The following XRCC2 variants were observed in gnomAD, a reference collection of about 807,000 sequenced individuals.
The protein encoded by XRCC2 is DNA repair protein XRCC2.
Under a neutral mutation model 27.3 loss-of-function variants are expected in XRCC2, and 24 were observed. The observed-to-expected ratio is 0.88, with a 90% confidence interval of 0.64 to 1.24. The LOEUF (loss-of-function observed/expected upper bound fraction) is 1.24. Ranked by LOEUF, XRCC2 falls within the 50% of genes most tolerant of loss-of-function variation. The pLI, the probability that XRCC2 is intolerant of heterozygous loss-of-function variation, is 0.00. For missense variants in XRCC2, 321 were observed against 325.8 expected, an observed-to-expected ratio of 0.99 and a Z score of 0.11; for synonymous variants, 106 against 115.4, an observed-to-expected ratio of 0.92 and a Z score of 0.52.
At chr7:152,650,356 A>T (rs1010314160) in intron 2 of XRCC2, among the ~76,000 whole-genome samples, 3 of 152,208 alleles carry the variant, frequency 2.0e-5, no homozygotes, top group African/African-American at 7.2e-5. Flanking sequence ...TAAAAATCAA[A>T]GTCAACTACT....
rs1252674838 is a variant in XRCC2 at position 152,648,894 on chromosome 7, A to G, written c.591T>C (p.Thr197=). The part of the protein sequence containing the change: ...YRLVLFATTQ[T]IMQKASSSSE... ...ATGAGCTCGAGGCTTTCTGCATTAT[A>G]GTTTGTGTCGTTGCAAAAAGAACCA... is the stretch of plus-strand genomic sequence containing the variant. The change falls in exon 3 of 3, where the codon ACT becomes ACC. Residue 197 remains threonine, a synonymous_variant. Transcript: ENST00000359321. 6 of 1,614,008 alleles carry G rather than the reference A, an allele frequency of 3.7e-6. No homozygotes were observed. The African/African-American group carries it at 5.3e-5, about 14-fold the overall frequency.
intron 2 of XRCC2, among the ~76,000 whole-genome samples, chr7:152,651,266 G>A (rs1375318623): frequency 6.6e-6 from 1 of 151,938 alleles, no homozygotes; most frequent in Non-Finnish European, 1.5e-5. Flanking sequence ...ACAAACCGTT[G>A]TATATTGGAG....
rs1563030235 is a variant in XRCC2, at chr7:152,660,784, TTATAAAAGAAGA to T, written c.40-14_40-3del. ...TCTACCTTCAAGTCGGGCAAGGAGC[TTATAAAAGAAGA>T]GAGAAGGAAAACTCATTATTTAAAA... On this transcript the variant is annotated splice_region_variant and splice_polypyrimidine_tract_variant and intron_variant, in intron 1 of 2. Coordinates refer to ENST00000359321, the MANE Select transcript of XRCC2 (RefSeq NM_005431.2). 1 of 1,605,472 alleles carries T rather than the reference TTATAAAAGAAGA, an allele frequency of 6.2e-7. No individual in the cohort carries two copies. The highest frequency in any genetic ancestry group is 1.1e-5 in the South Asian group (1 of 89,400).
At position 152,662,565 on chromosome 7, in the gene XRCC2, A is replaced by ATTT. The variant is rs11323323; in HGVS notation, c.40-1786_40-1784dup. Among the ~76,000 whole-genome samples, 321 of 67,782 alleles carry ATTT rather than the reference A, an allele frequency of 4.7e-3. 5 individuals carry two copies. Among genetic ancestry groups the ATTT allele is most frequent in the African/African-American group, 8.4e-3 (154 of 18,386 alleles). 44.5% of individuals were successfully genotyped at this position (67,782 alleles called of 152,430 possible). ...GGGAAGAAAGTCACCTTTTATTTGC[A>ATTT]TTTTTTTTTTTTTTTTTTTTTTTTT... On this transcript the variant is annotated intron_variant, in intron 1 of 2. Coordinates refer to ENST00000359321, the MANE Select transcript of XRCC2 (RefSeq NM_005431.2).
At chr7:152,656,756 C>T (rs2116995649) in intron 2 of XRCC2, among the ~76,000 whole-genome samples, 1 of 152,224 alleles carries the variant, frequency 6.6e-6, no homozygotes, top group South Asian at 2.1e-4. Context: ...AGTACAAAGA[C>T]CATTCTGTTT....
In XRCC2 at chr7:152,656,141, C is replaced by T. The variant is rs546487218; in HGVS notation, c.121+4560G>A. 9.5e-4 allele frequency among the ~76,000 whole-genome samples: 144 copies of T among 152,274 alleles called. 1 individual carries two copies. The highest frequency in any genetic ancestry group is 1.7e-3 in the Non-Finnish European group (118 of 68,024). ...TAGGTGATGGGTTGATAGGCGCAGC[C>T]AACCACCATGGCACGCGTTTATCTA... On this transcript the variant is annotated intron_variant, in intron 2 of 2. Coordinates refer to ENST00000359321, the MANE Select transcript of XRCC2 (RefSeq NM_005431.2).
In XRCC2 at chr7:152,644,880, G is replaced by C. The variant is rs2116982960; in HGVS notation, c.*3762C>G. ...TGGAAAATGTAGTATTCCTACACGT[G>C]ATGTTAACATCGTTCTCAACAGTTA... On this transcript the variant is annotated 3_prime_UTR_variant, in exon 3 of 3. Transcript: ENST00000359321. 1 of 152,294 alleles carries C rather than the reference G, an allele frequency of 6.6e-6. No homozygotes were observed. The highest frequency in any genetic ancestry group is 2.1e-4 in the South Asian group (1 of 4,834). The allele number at this position is 152,294 out of a possible 1,614,324, so 9.4% of individuals were successfully genotyped here. A position where few individuals can be genotyped will look rare whatever the true frequency, so the allele number is the denominator to read the frequency against.
In XRCC2 at chr7:152,648,806, G is replaced by C. The variant is rs1384417628; in HGVS notation, c.679C>G (p.Leu227Val). 2 of 1,614,206 alleles carry C rather than the reference G, an allele frequency of 1.2e-6. No homozygotes were observed. Among genetic ancestry groups the C allele is most frequent in the Admixed American group, 3.3e-5 (2 of 60,026 alleles). ...ACCAGTTGCTGCCATGCCTTACAGA[G>C]ATAAGGTCTGTAGTCTATGTCCACA... ...CDVDIDYRPY[L>V]CKAWQQLVKH... Residue 227 changes from leucine (L) to valine (V), a missense_variant, in exon 3 of 3, where the codon CTC (leucine) becomes GTC (valine). Physicochemically the swap from Leu to Val is conservative, Grantham distance 32 (BLOSUM62 1). Coordinates refer to ENST00000359321, the MANE Select transcript of XRCC2 (RefSeq NM_005431.2).
intron 2 of XRCC2, among the ~76,000 whole-genome samples, chr7:152,655,324 G>A (rs2098030265): frequency 6.6e-6 from 1 of 152,190 alleles, no homozygotes; most frequent in Non-Finnish European, 1.5e-5. Flanking sequence ...TAACAAATAT[G>A]TTGAATTTGC....
At chr7:152,657,207 T>C (rs973483100) in intron 2 of XRCC2, among the ~76,000 whole-genome samples, 8 of 142,834 alleles carry the variant, frequency 5.6e-5, no homozygotes, top group South Asian at 2.4e-4. Context: ...CTTCACTCCA[T>C]CCTGGGCGAC....
chr7:152,675,566 G>A (rs1458518746), intron 1 of XRCC2, among the ~76,000 whole-genome samples: 1 of 152,140 alleles, frequency 6.6e-6, no homozygotes, highest in Admixed American at 6.6e-5. Flanking sequence ...GCCCTAAGCA[G>A]AGACACGTGG....
intron 1 of XRCC2, among the ~76,000 whole-genome samples, chr7:152,664,355 T>C (rs1189006504): frequency 6.6e-6 from 1 of 152,128 alleles, no homozygotes; most frequent in African/African-American, 2.4e-5. Context: ...TGGTAAAGCA[T>C]TATTTCTGGG....
chr7:152,671,538 A>G (rs967217185), intron 1 of XRCC2, among the ~76,000 whole-genome samples: 1 of 152,186 alleles, frequency 6.6e-6, no homozygotes, highest in African/African-American at 2.4e-5. Flanking sequence ...TCTTATACCT[A>G]TACTCTTTAT....
At chr7:152,662,245 C>A (rs1163739773) in intron 1 of XRCC2, among the ~76,000 whole-genome samples, 3 of 152,030 alleles carry the variant, frequency 2.0e-5, no homozygotes, top group Non-Finnish European at 4.4e-5. Flanking sequence ...GGATTACAGG[C>A]GTGAGCCACC....
rs1554412444 is a variant in XRCC2 at position 152,667,421 on chromosome 7, A to AAG, written c.40-6640_40-6639insCT. On this transcript the variant is annotated intron_variant, in intron 1 of 2. Transcript: ENST00000359321. The stretch of plus-strand genomic sequence containing the variant: ...ACTCCGTCTCAAAAAAAAAAAAAAA[A>AAG]AAAAAGAAAAAAAGTATTATAATTT... Among the ~76,000 whole-genome samples the AAG allele has an allele frequency of 6.1e-4, 49 of 79,710 alleles. No homozygotes were observed. In the South Asian group the frequency reaches 8.5e-3, roughly 14 times the overall value. 52.3% of individuals were successfully genotyped at this position (79,710 alleles called of 152,430 possible). A position where few individuals can be genotyped will look rare whatever the true frequency, so the allele number is the denominator to read the frequency against.
intron 1 of XRCC2, among the ~76,000 whole-genome samples, chr7:152,665,626 C>T (rs1259905617): frequency 6.6e-6 from 1 of 150,848 alleles, no homozygotes; most frequent in Non-Finnish European, 1.5e-5. Context: ...ACTACAGGCT[C>T]GTGCCACTAT....
At chr7:152,671,514 A>G (rs1319465550) in intron 1 of XRCC2, among the ~76,000 whole-genome samples, 1 of 152,214 alleles carries the variant, frequency 6.6e-6, no homozygotes, top group Non-Finnish European at 1.5e-5. Flanking sequence ...ACATTGATAC[A>G]TACAATACTC....
chr7:152,667,428 A>AAAAAAAAAAAG (rs1563032964), intron 1 of XRCC2, among the ~76,000 whole-genome samples: 122 of 77,896 alleles, frequency 1.6e-3, no homozygotes, highest in East Asian at 3.5e-3. Flanking sequence ...AAAAAAAAAG[A>AAAAAAAAAAAG]AAAAAAGTAT....
intron 2 of XRCC2, among the ~76,000 whole-genome samples, chr7:152,652,479 C>T (rs1024952957): frequency 1.3e-5 from 2 of 152,312 alleles, no homozygotes; most frequent in African/African-American, 4.8e-5. Flanking sequence ...GGCCGACCCA[C>T]AGCTACTCAC....
Sources: allele counts gnomAD v4.1 joint callset (sites outside exome capture counted in the v4.1 genomes callset), GRCh38; gene constraint gnomAD v4.1.1; transcripts MANE v1.5; gene names NCBI Gene and HGNC (gene_info 2026-07-23, HGNC 2026-07-21).